Variants in TSGA10 observed in about 807,000 individuals in gnomAD.
The protein encoded by TSGA10 is testis specific 10.
In TSGA10, 43 loss-of-function variants were observed where a neutral mutation model predicts 96.6. That is an observed-to-expected ratio of 0.44 (90% CI 0.35 to 0.57). The LOEUF (loss-of-function observed/expected upper bound fraction) is 0.57. Ranked by LOEUF, TSGA10 falls within the 20% of genes least tolerant of loss-of-function variation. The probability of loss-of-function intolerance (pLI) is 0.01; values close to 1 mark genes in which losing one functional copy is unlikely to be tolerated. For missense variants in TSGA10, 703 were observed against 834.4 expected, an observed-to-expected ratio of 0.84 and a Z score of 1.94; for synonymous variants, 229 against 269.9, an observed-to-expected ratio of 0.85 and a Z score of 1.48.
At chr2:99,028,314 C>T (rs2080830173) in intron 17 of TSGA10, among the ~76,000 whole-genome samples, 1 of 152,204 alleles carries the variant, frequency 6.6e-6, no homozygotes, top group African/African-American at 2.4e-5. Context: ...CTTCCCAACC[C>T]AAGCGTTGTT....
intron 2 of TSGA10, among the ~76,000 whole-genome samples, chr2:99,120,806 C>T (rs1200981490): frequency 6.6e-6 from 1 of 152,116 alleles, no homozygotes. Flanking sequence ...TGTTCCATTA[C>T]AACGAGACCA....
At chr2:99,037,851 A>T (rs865851317) in intron 16 of TSGA10, among the ~76,000 whole-genome samples, 3 of 152,184 alleles carry the variant, frequency 2.0e-5, no homozygotes, top group Middle Eastern at 6.8e-3. Flanking sequence ...CTCCATCTCA[A>T]AAATAAATAA....
rs2093428687 is a variant in TSGA10 at position 99,139,046 on chromosome 2, G to A, written c.-620-11870C>T. 2.0e-5 allele frequency among the ~76,000 whole-genome samples: 3 copies of A among 152,320 alleles called. No individual in the cohort carries two copies. The South Asian group carries it at 6.2e-4, about 32-fold the overall frequency. On this transcript the variant is annotated intron_variant, in intron 1 of 20. Transcript: ENST00000393483. ...AGGCCAAGGCCAGAGGATCACTTGAGCCCAGGAATTTGAGACCAGCCTGGA... is the reference window on the plus strand; with the variant it reads ...AGGCCAAGGCCAGAGGATCACTTGAACCCAGGAATTTGAGACCAGCCTGGA...
At chr2:99,061,159 T>C (rs569956631) in intron 16 of TSGA10, among the ~76,000 whole-genome samples, 17 of 152,202 alleles carry the variant, frequency 1.1e-4, no homozygotes, top group South Asian at 2.1e-4. Flanking sequence ...ATCTAAAGTG[T>C]TCAAAAAATA....
chr2:99,004,244 C>T (rs1236448988), intron 20 of TSGA10, among the ~76,000 whole-genome samples: 1 of 151,964 alleles, frequency 6.6e-6, no homozygotes, highest in Non-Finnish European at 1.5e-5. Context: ...CAAGACTAAA[C>T]CAGGAAGAAG....
intron 16 of TSGA10, among the ~76,000 whole-genome samples, chr2:99,042,910 G>GCTGGTCT (rs1403279383): frequency 6.6e-6 from 1 of 151,932 alleles, no homozygotes; most frequent in African/African-American, 2.4e-5. Context: ...TGTTGGCCAG[G>GCTGGTCT]CTGGTCTCAA....
chr2:99,129,263 A>G (rs1225695351), intron 1 of TSGA10, among the ~76,000 whole-genome samples: 2 of 152,158 alleles, frequency 1.3e-5, no homozygotes, highest in African/African-American at 4.8e-5. Context: ...TGTCTTCCTC[A>G]CACATTTATT....
At chr2:99,151,374 A>C (rs1345236105) in intron 1 of TSGA10, 4 of 151,584 alleles carry the variant, frequency 2.6e-5, no homozygotes. Context: ...GAGGAAGGAG[A>C]ATCGCTTGAA....
Position 99,068,869 on chromosome 2 carries a change from A to AG in TSGA10, c.1218+18dup, listed in dbSNP as rs2085580250. 7.8e-7 allele frequency: 1 copy of AG among 1,288,778 alleles called. No homozygotes were observed. The highest frequency in any genetic ancestry group is 2.0e-5 in the South Asian group (1 of 49,576). The allele number at this position is 1,288,778 out of a possible 1,614,324, so 79.8% of individuals were successfully genotyped here. ...TGAAAACTAAGTATCATGAGCAAAAAGAAAAAAAAAATACATACTTCAGAC... is the reference window on the plus strand; with the variant it reads ...TGAAAACTAAGTATCATGAGCAAAAAGGAAAAAAAAAATACATACTTCAGAC... On this transcript the variant is annotated intron_variant, in intron 15 of 20. Transcript: ENST00000393483.
intron 16 of TSGA10, among the ~76,000 whole-genome samples, chr2:99,042,317 G>A (rs1663027185): frequency 6.6e-6 from 1 of 152,066 alleles, no homozygotes; most frequent in South Asian, 2.1e-4. Flanking sequence ...GAAATGACTG[G>A]GTGCATTTTG....
At chr2:99,147,161 G>GT (rs529557495) in intron 1 of TSGA10, 76 of 300,296 alleles carry the variant, frequency 2.5e-4, no homozygotes, top group Admixed American at 4.3e-4. Flanking sequence ...ATATCTTTTT[G>GT]TTTTTTTTAA....
At chr2:99,009,851 T>C (rs2078854923) in intron 20 of TSGA10, among the ~76,000 whole-genome samples, 1 of 152,192 alleles carries the variant, frequency 6.6e-6, no homozygotes. Context: ...TGCAAGTGTG[T>C]GTGTCTGTGA....
intron 16 of TSGA10, among the ~76,000 whole-genome samples, chr2:99,047,234 T>C (rs1055090382): frequency 1.3e-5 from 2 of 152,170 alleles, no homozygotes; most frequent in Admixed American, 1.3e-4. Flanking sequence ...GAGGCCAGCA[T>C]CATCCTGATA....
chr2:99,032,437 T>C (rs1295688964), intron 17 of TSGA10, among the ~76,000 whole-genome samples: 1 of 152,228 alleles, frequency 6.6e-6, no homozygotes, highest in African/African-American at 2.4e-5. Flanking sequence ...ATTCTCCAAG[T>C]CTACTTTGTA....
chr2:99,070,188 T>C (rs1355506472), intron 14 of TSGA10, among the ~76,000 whole-genome samples: 5 of 152,180 alleles, frequency 3.3e-5, no homozygotes, highest in Admixed American at 2.6e-4. Context: ...ATGCTTACAA[T>C]ATTATAGTAA....
At chr2:99,112,248 G>A (rs1180759551) in intron 4 of TSGA10, among the ~76,000 whole-genome samples, 2 of 152,076 alleles carry the variant, frequency 1.3e-5, no homozygotes, top group Non-Finnish European at 1.5e-5. Context: ...CTGCCCTCAT[G>A]TAGTATATAT....
At position 99,105,550 on chromosome 2, in the gene TSGA10, C is replaced by G; in HGVS notation, c.358G>C (p.Asp120His). Residue 120 changes from aspartate (D) to histidine (H), a missense_variant, in exon 8 of 21, where the codon GAT becomes CAT. Asp to His is a moderately conservative substitution (Grantham distance 81). Around this residue, in one of 3 missense-constraint regions of TSGA10, gnomAD observed 585 missense variants for 656.8 expected, o/e 0.89. Transcript: ENST00000393483. ...ACCTTTAGCCTCTCCCTTAGACTAT[C>G]TCGTTCTGTGGTCATTCTTCGTAAA... Reference protein sequence around the residue: ...TDLRRMTTERDSLRERLKIAQ... With the variant: ...TDLRRMTTERHSLRERLKIAQ... 6.2e-7 allele frequency: 1 copy of G among 1,612,634 alleles called. No homozygotes were observed. Among genetic ancestry groups the G allele is most frequent in the Non-Finnish European group, 8.5e-7 (1 of 1,178,708 alleles).
At chr2:99,043,187 CA>C (rs962370476) in intron 16 of TSGA10, among the ~76,000 whole-genome samples, 1 of 151,958 alleles carries the variant, frequency 6.6e-6, no homozygotes. Flanking sequence ...ATATATAAAT[CA>C]TTTTTTTAAA....
chr2:99,032,988 A>C (rs1218119568), intron 17 of TSGA10, among the ~76,000 whole-genome samples: 2 of 152,212 alleles, frequency 1.3e-5, no homozygotes, highest in Non-Finnish European at 2.9e-5. Context: ...GTTGCCAACC[A>C]ACATCACAGT....
Sources: allele counts gnomAD v4.1 joint callset (sites outside exome capture counted in the v4.1 genomes callset), GRCh38; gene constraint gnomAD v4.1.1; regional missense constraint gnomAD v4.1.1; transcripts MANE v1.5; gene names NCBI Gene and HGNC (gene_info 2026-07-23, HGNC 2026-07-21).